Variants in TRIO observed in about 807,000 individuals in gnomAD.
TRIO encodes triple functional domain protein.
In TRIO, 58 loss-of-function variants were observed where a neutral mutation model predicts 351.9. The observed-to-expected ratio is 0.16, with a 90% CI of 0.13 to 0.21. The LOEUF (loss-of-function observed/expected upper bound fraction) is 0.21. TRIO is among the 10% of genes least tolerant of loss of function. TRIO has a pLI of 1.00. For synonymous variants in TRIO, 1,758 were observed against 1,595.7 expected, an observed-to-expected ratio of 1.10 and a Z score of -2.42; for missense variants, 3,201 against 4,027.8, an observed-to-expected ratio of 0.79 and a Z score of 5.56.
chr5:14,291,788 TAAAAAAAAAAAAAA>T (rs57424190), intron 5 of TRIO, among the ~76,000 whole-genome samples: 5 of 101,016 alleles, frequency 4.9e-5, no homozygotes, highest in African/African-American at 1.8e-4. Flanking sequence ...GACTCCGTCT[TAAAAAAAAAAAAAA>T]AAAAAAAAAA....
At chr5:14,178,064 T>A (rs1789514076) in intron 1 of TRIO, among the ~76,000 whole-genome samples, 1 of 152,242 alleles carries the variant, frequency 6.6e-6, no homozygotes. Context: ...TACTCTTGTA[T>A]TCATGGTTTT....
At chr5:14,392,035 T>G (rs1747127634) in intron 27 of TRIO, among the ~76,000 whole-genome samples, 1 of 152,204 alleles carries the variant, frequency 6.6e-6, no homozygotes, top group Admixed American at 6.5e-5. Flanking sequence ...TATTTTAGTA[T>G]TAAGTATTTC....
intron 1 of TRIO, among the ~76,000 whole-genome samples, chr5:14,250,470 C>G (rs1351772714): frequency 6.6e-6 from 1 of 152,188 alleles, no homozygotes; most frequent in African/African-American, 2.4e-5. Flanking sequence ...AGAGTAGCCT[C>G]TTGTACAGCG....
intron 34 of TRIO, among the ~76,000 whole-genome samples, chr5:14,443,467 A>G (rs1011591572): frequency 5.9e-5 from 9 of 152,332 alleles, no homozygotes; most frequent in Admixed American, 2.0e-4. Context: ...GGAAATACAT[A>G]TGCATCACAT....
rs577727917 is a variant in TRIO, at chr5:14,444,347, T to A, written c.5204-16672T>A. On this transcript the variant is annotated intron_variant, in intron 34 of 56. Transcript: ENST00000344204. ...AGAAGTACTTGTCACAATGTTGGAT[T>A]GTTTCGACTGTGAAGACTGATTGTG... 7.9e-5 allele frequency among the ~76,000 whole-genome samples: 12 copies of A among 152,376 alleles called. No homozygotes were observed. The South Asian group carries it at 2.5e-3, about 32-fold the overall frequency.
At chr5:14,391,381 T>C (rs1257220261) in intron 27 of TRIO, among the ~76,000 whole-genome samples, 2 of 152,182 alleles carry the variant, frequency 1.3e-5, no homozygotes, top group Admixed American at 1.3e-4. Flanking sequence ...AAAACAAAAA[T>C]AAATGTGAAT....
intron 1 of TRIO, among the ~76,000 whole-genome samples, chr5:14,233,869 C>T (rs749410802): frequency 3.9e-5 from 6 of 152,114 alleles, no homozygotes; most frequent in Non-Finnish European, 7.3e-5. Context: ...GAGCTCACTG[C>T]AGACTTGAAA....
chr5:14,291,788 T>TAAAAAAAAAAAAAAAAA (rs57424190), intron 5 of TRIO, among the ~76,000 whole-genome samples: 4 of 101,016 alleles, frequency 4.0e-5, no homozygotes, highest in Non-Finnish European at 7.5e-5. Flanking sequence ...GACTCCGTCT[T>TAAAAAAAAAAAAAAAAA]AAAAAAAAAA....
At chr5:14,258,798 A>G (rs1211967497) in intron 1 of TRIO, among the ~76,000 whole-genome samples, 2 of 152,192 alleles carry the variant, frequency 1.3e-5, no homozygotes, top group African/African-American at 2.4e-5. Context: ...CAGGGGGATA[A>G]TGAGTGAGAT....
chr5:14,471,544 A>T, intron 38 of TRIO, 78 bp downstream of exon 38: 2 of 1,580,722 alleles, frequency 1.3e-6, no homozygotes, highest in East Asian at 2.2e-5. Flanking sequence ...TGTGACTGAG[A>T]TTCAGCTCTG....
Position 14,336,552 on chromosome 5 carries a change from C to T in TRIO, c.1871C>T (p.Ala624Val), listed in dbSNP as rs962795710. The T allele has an allele frequency of 1.9e-6, 3 of 1,614,100 alleles. No individual in the cohort carries two copies. Among genetic ancestry groups the T allele is most frequent in the Non-Finnish European group, 2.5e-6 (3 of 1,180,030 alleles). ...EEVAQNTYTN[A>V]DKLLEAAEQL... ...CTTGTGCAGAACACATACACCAATG[C>T]GGATAAATTACTGGAAGCAGCAGAA... is the stretch of plus-strand genomic sequence containing the variant. Residue 624 changes from alanine to valine, a missense_variant, in exon 11 of 57, where the codon GCG becomes GTG. Transcript: ENST00000344204.
intron 1 of TRIO, among the ~76,000 whole-genome samples, chr5:14,263,600 C>G (rs1795481690): frequency 6.6e-6 from 1 of 152,184 alleles, no homozygotes; most frequent in Admixed American, 6.5e-5. Context: ...TATCAAACCA[C>G]TTGATATGAT....
chr5:14,494,506 G>T (rs1269879545), intron 49 of TRIO, among the ~76,000 whole-genome samples: 2 of 152,226 alleles, frequency 1.3e-5, no homozygotes, highest in African/African-American at 4.8e-5. Context: ...CGATGGAGAT[G>T]TGCAAGGAGA....
At chr5:14,318,161 G>A (rs1739544577) in intron 9 of TRIO, among the ~76,000 whole-genome samples, 1 of 149,428 alleles carries the variant, frequency 6.7e-6, no homozygotes, top group Non-Finnish European at 1.5e-5. Flanking sequence ...TGGCATGCTG[G>A]CACATGCTTG....
intron 21 of TRIO, among the ~76,000 whole-genome samples, chr5:14,382,605 G>C (rs1376621457): frequency 6.6e-6 from 1 of 152,262 alleles, no homozygotes. Flanking sequence ...TCTAAGGAGG[G>C]CCGCCCCACC....
chr5:14,354,557 C>T (rs1253665865), intron 11 of TRIO, among the ~76,000 whole-genome samples: 2 of 152,194 alleles, frequency 1.3e-5, no homozygotes, highest in Non-Finnish European at 2.9e-5. Context: ...TTTTCAGCTA[C>T]ATTTCTTCCA....
chr5:14,336,779 C>T (rs1159556157), intron 11 of TRIO, 52 bp downstream of exon 11: 1 of 1,596,112 alleles, frequency 6.3e-7, no homozygotes, highest in African/African-American at 1.3e-5. Flanking sequence ...GGTCTTTGAA[C>T]TCTTTTGGAG....
chr5:14,371,120 A>G (rs904147760), intron 18 of TRIO, among the ~76,000 whole-genome samples: 2 of 152,228 alleles, frequency 1.3e-5, no homozygotes, highest in Admixed American at 6.5e-5. Context: ...ATTTTGCCCA[A>G]CTGCAGGCCA....
chr5:14,258,516 A>G (rs1011680460), intron 1 of TRIO, among the ~76,000 whole-genome samples: 3 of 152,312 alleles, frequency 2.0e-5, no homozygotes, highest in East Asian at 3.9e-4. Context: ...GAGTGTAGCA[A>G]TTAGGAGACT....
Sources: allele counts gnomAD v4.1 joint callset (sites outside exome capture counted in the v4.1 genomes callset), GRCh38; gene constraint gnomAD v4.1.1; transcripts MANE v1.5; gene names NCBI Gene and HGNC (gene_info 2026-07-23, HGNC 2026-07-21).